PPP1CB: variants seen among roughly 807,000 people sequenced by gnomAD.
PPP1CB encodes the protein serine/threonine-protein phosphatase PP1-beta catalytic subunit.
In PPP1CB, 2 loss-of-function variants were observed where a neutral mutation model predicts 43.7. That is an observed-to-expected ratio of 0.05 (90% CI 0.02 to 0.14). The LOEUF (loss-of-function observed/expected upper bound fraction) is 0.14, where lower values mean the gene tolerates loss of function less well. Among genes scored for constraint, PPP1CB ranks in the 10% least tolerant of loss-of-function variants. The pLI is 1.00. For missense variants in PPP1CB, 84 were observed against 398.0 expected (o/e 0.21, Z 6.71); for synonymous variants, 136 against 135.6 (o/e 1.00, Z -0.02).
intron 1 of PPP1CB, among the ~76,000 whole-genome samples, chr2:28,764,047 C>A (rs1412436386): frequency 6.6e-6 from 1 of 151,992 alleles, no homozygotes; most frequent in African/African-American, 2.4e-5. Context: ...GAGGGAAGTA[C>A]AGCAGCTGCC....
chr2:28,766,236 C>G (rs1332610311), intron 1 of PPP1CB, among the ~76,000 whole-genome samples: 6 of 152,184 alleles, frequency 3.9e-5, no homozygotes, highest in Non-Finnish European at 7.3e-5. Context: ...AAAGCTGTCA[C>G]TGCTAAGCCA....
chr2:28,781,979 G>A (rs1310793721), intron 4 of PPP1CB, 137 bp downstream of exon 4: 3 of 680,056 alleles, frequency 4.4e-6, no homozygotes, highest in Non-Finnish European at 7.9e-6. Flanking sequence ...TTTAAACATG[G>A]CTAAACCTCT....
intron 7 of PPP1CB, among the ~76,000 whole-genome samples, chr2:28,796,925 C>G (rs973860474): frequency 8.6e-5 from 13 of 152,012 alleles, no homozygotes; most frequent in Non-Finnish European, 1.5e-4. Flanking sequence ...TCAGATGGCT[C>G]TTACTATTTT....
At chr2:28,783,001 A>T (rs1353668297) in intron 4 of PPP1CB, 1 of 152,242 alleles carries the variant, frequency 6.6e-6, no homozygotes, top group Non-Finnish European at 1.5e-5. Context: ...AGCAGTATGG[A>T]TACGAATGTT....
At position 28,765,466 on chromosome 2, in the gene PPP1CB, T is replaced by G. The variant is rs562336650; in HGVS notation, c.53-11385T>G. ...GAGGGTTAGGTGGAAGCTCCTCGGCTGCACAGTTAAATGGATTTTGATATA... is the reference window on the plus strand; with the variant it reads ...GAGGGTTAGGTGGAAGCTCCTCGGCGGCACAGTTAAATGGATTTTGATATA... On this transcript the variant is annotated intron_variant, in intron 1 of 7. Coordinates refer to ENST00000395366, the MANE Select transcript of PPP1CB (RefSeq NM_002709.3). 3.3e-5 allele frequency among the ~76,000 whole-genome samples: 5 copies of G among 152,370 alleles called. No individual in the cohort carries two copies. In the East Asian group the frequency reaches 9.6e-4, roughly 29 times the overall value.
Position 28,751,842 on chromosome 2 carries a change from G to T in PPP1CB, c.-283G>T. ...GCTGGTGAGCTTTGCGGAGCTGGGC[G>T]GTGCCGAGGAGGAGGAGGTGGCGGC... On this transcript the variant is annotated 5_prime_UTR_variant, in exon 1 of 8. Coordinates refer to ENST00000395366, the MANE Select transcript of PPP1CB (RefSeq NM_002709.3). 1.9e-6 allele frequency: 1 copy of T among 525,162 alleles called. No homozygotes were observed. Among genetic ancestry groups the T allele is most frequent in the Non-Finnish European group, 3.5e-6 (1 of 288,246 alleles). 32.5% of individuals were successfully genotyped at this position (525,162 alleles called of 1,614,324 possible). A position where few individuals can be genotyped will look rare whatever the true frequency, so the allele number is the denominator to read the frequency against.
Position 28,751,871 on chromosome 2 carries a change from G to C in PPP1CB, c.-254G>C. Reference sequence around the variant, plus strand: ...CCGAGGAGGAGGAGGTGGCGGCCTGGGTCTGACGCGGCCCTGTTCGAGGGG... The same window carrying C: ...CCGAGGAGGAGGAGGTGGCGGCCTGCGTCTGACGCGGCCCTGTTCGAGGGG... On this transcript the variant is annotated 5_prime_UTR_variant, in exon 1 of 8. Transcript: ENST00000395366. The C allele has an allele frequency of 1.8e-6, 1 of 568,658 alleles. No homozygotes were observed. Among genetic ancestry groups the C allele is most frequent in the Non-Finnish European group, 3.2e-6 (1 of 313,104 alleles). The allele number at this position is 568,658 out of a possible 1,614,324, so 35.2% of individuals were successfully genotyped here.
intron 3 of PPP1CB, among the ~76,000 whole-genome samples, chr2:28,779,417 T>C (rs915657519): frequency 2.6e-5 from 4 of 152,254 alleles, no homozygotes; most frequent in South Asian, 2.1e-4. Flanking sequence ...ACAAGAATTA[T>C]TGAGAAGTTC....
At chr2:28,785,065 CTTTTTTT>C (rs769650329) in intron 5 of PPP1CB, among the ~76,000 whole-genome samples, 22 of 54,996 alleles carry the variant, frequency 4.0e-4, no homozygotes, top group South Asian at 6.8e-4. Flanking sequence ...GTGTTAGGAG[CTTTTTTT>C]TTTTTTTTTT....
At chr2:28,788,613 A>C (rs199993937) in intron 5 of PPP1CB, 45 bp from the exon 6 acceptor site, 431 of 1,580,022 alleles carry the variant, frequency 2.7e-4, no homozygotes, top group Non-Finnish European at 3.5e-4. Context: ...TATTCTATAA[A>C]TCTGTAAATT....
chr2:28,771,003 T>C (rs1666896620), intron 1 of PPP1CB, among the ~76,000 whole-genome samples: 1 of 148,018 alleles, frequency 6.8e-6, no homozygotes, highest in Admixed American at 6.9e-5. Context: ...ATTGTGAAGA[T>C]ACCAATTCTG....
At chr2:28,777,269 G>A (rs367803176) in intron 2 of PPP1CB, 33 of 169,928 alleles carry the variant, frequency 1.9e-4, no homozygotes, top group African/African-American at 7.4e-4. Flanking sequence ...GGAAGAGGAA[G>A]GTCTTAGAAG....
chr2:28,788,702 C>A lies in PPP1CB; in HGVS notation c.637C>A (p.Gln213Lys). ...LLWSDPDKDV[Q>K]GWGENDRGVS... The stretch of plus-strand genomic sequence containing the variant: ...ATGGTCTGATCCAGATAAGGATGTG[C>A]AAGGCTGGGGAGAAAATGATCGTGG... Residue 213 changes from glutamine to lysine, a missense_variant, in exon 6 of 8, where the codon CAA becomes AAA. By Grantham distance (53) the Gln-to-Lys change is moderately conservative. Around this residue, in one of 5 missense-constraint regions of PPP1CB, gnomAD observed 28 missense variants for 234.2 expected, o/e 0.12. Transcript: ENST00000395366. 1 of 1,613,874 alleles carries A rather than the reference C, an allele frequency of 6.2e-7. No homozygotes were observed. Among genetic ancestry groups the A allele is most frequent in the Non-Finnish European group, 8.5e-7 (1 of 1,179,854 alleles).
intron 5 of PPP1CB, among the ~76,000 whole-genome samples, chr2:28,788,252 A>G (rs1188791472): frequency 2.1e-5 from 3 of 140,264 alleles, no homozygotes; most frequent in African/African-American, 7.6e-5. Flanking sequence ...AAAATAGACT[A>G]ACAGAATAGA....
intron 4 of PPP1CB, among the ~76,000 whole-genome samples, chr2:28,783,385 AGG>A (rs1232764434): frequency 2.6e-5 from 4 of 152,056 alleles, no homozygotes; most frequent in African/African-American, 9.7e-5. Flanking sequence ...TTTCCCTGGT[AGG>A]GAAAAATGGA....
intron 1 of PPP1CB, among the ~76,000 whole-genome samples, chr2:28,773,472 C>G (rs2148046537): frequency 6.6e-6 from 1 of 152,348 alleles, no homozygotes; most frequent in African/African-American, 2.4e-5. Flanking sequence ...AGAATAGCTT[C>G]TCTTTTCAGT....
At chr2:28,791,889 AAAT>A (rs1667395667) in intron 6 of PPP1CB, among the ~76,000 whole-genome samples, 1 of 152,186 alleles carries the variant, frequency 6.6e-6, no homozygotes. Flanking sequence ...GCTTATTTTC[AAAT>A]AATTGTCTCT....
chr2:28,767,798 G>T (rs1208128097), intron 1 of PPP1CB, among the ~76,000 whole-genome samples: 1 of 152,158 alleles, frequency 6.6e-6, no homozygotes, highest in Admixed American at 6.5e-5. Context: ...TTTAAAAAAT[G>T]TAAAAAATTA....
chr2:28,786,414 T>G (rs1295521300), intron 5 of PPP1CB, among the ~76,000 whole-genome samples: 1 of 152,154 alleles, frequency 6.6e-6, no homozygotes, highest in Non-Finnish European at 1.5e-5. Context: ...ATACCTGGCC[T>G]GAAATTCTTA....
Sources: allele counts gnomAD v4.1 joint callset (sites outside exome capture counted in the v4.1 genomes callset), GRCh38; gene constraint gnomAD v4.1.1; regional missense constraint gnomAD v4.1.1; transcripts MANE v1.5; gene names NCBI Gene and HGNC (gene_info 2026-07-23, HGNC 2026-07-21).